The following UNC5D variants were observed in gnomAD, a reference collection of about 807,000 sequenced individuals.
The protein encoded by UNC5D is unc-5 netrin receptor D, also known as netrin receptor UNC5D.
UNC5D carries 39 observed loss-of-function variants against 105.4 expected under a neutral mutation model. The observed-to-expected ratio is 0.37, with a 90% CI of 0.29 to 0.48. The LOEUF (loss-of-function observed/expected upper bound fraction) is 0.48, where lower values mean the gene tolerates loss of function less well. Ranked by LOEUF, UNC5D falls within the 20% of genes least tolerant of loss-of-function variation. UNC5D has a pLI of 0.98. For missense variants in UNC5D, 991 were observed against 1,202.4 expected (o/e 0.82, Z 2.60); for synonymous variants, 452 against 450.4 (o/e 1.00, Z -0.04).
intron 1 of UNC5D, among the ~76,000 whole-genome samples, chr8:35,474,199 T>C (rs528680088): frequency 5.9e-5 from 9 of 152,356 alleles, no homozygotes; most frequent in African/African-American, 2.2e-4. Context: ...TTAGAGATAT[T>C]ACCAATTGTA....
intron 1 of UNC5D, among the ~76,000 whole-genome samples, chr8:35,245,408 C>T (rs1167639863): frequency 6.6e-6 from 1 of 151,978 alleles, no homozygotes; most frequent in Admixed American, 6.6e-5. Context: ...AATAGACAGC[C>T]CTTGTTTCTC....
chr8:35,549,219 A>G (rs1017162957), intron 1 of UNC5D, 73 bp from the exon 2 acceptor site: 1 of 1,379,354 alleles, frequency 7.2e-7, no homozygotes, highest in Non-Finnish European at 1.0e-6. Context: ...GAGCTGGTGC[A>G]GGTTTGCCAT....
rs894891966 is a variant in UNC5D at position 35,724,212 on chromosome 8, C to G, written c.1303+1817C>G. Reference sequence around the variant, plus strand: ...ATCTCTAAGACAATATTAGTCTTACCAAACTTACCTGACCATTTTGTTTTA... The same window carrying G: ...ATCTCTAAGACAATATTAGTCTTACGAAACTTACCTGACCATTTTGTTTTA... On this transcript the variant is annotated intron_variant, in intron 9 of 16. Transcript: ENST00000404895. The G allele has an allele frequency of 5.3e-6, 8 of 1,514,644 alleles. No homozygotes were observed. The Admixed American group carries it at 6.2e-5, about 12-fold the overall frequency. The allele number at this position is 1,514,644 out of a possible 1,614,324, so 93.8% of individuals were successfully genotyped here. A position where few individuals can be genotyped will look rare whatever the true frequency, so the allele number is the denominator to read the frequency against.
rs183780149 is a variant in UNC5D, at chr8:35,717,234, G to A, written c.1118-4976G>A. Reference sequence around the variant, plus strand: ...GGAAAGGTACTCGCTACGCTCCTATGTTAATTCTCAGTCACTTATCCAAAT... The same window carrying A: ...GGAAAGGTACTCGCTACGCTCCTATATTAATTCTCAGTCACTTATCCAAAT... On this transcript the variant is annotated intron_variant, in intron 8 of 16. Transcript: ENST00000404895. Among the ~76,000 whole-genome samples the A allele has an allele frequency of 1.1e-4, 17 of 152,334 alleles. No homozygotes were observed. The East Asian group carries it at 2.9e-3, about 26-fold the overall frequency.
intron 4 of UNC5D, among the ~76,000 whole-genome samples, chr8:35,650,556 C>T (rs898252107): frequency 6.6e-6 from 1 of 152,148 alleles, no homozygotes. Flanking sequence ...CAACATTTGC[C>T]TCCTGAGTTC....
At chr8:35,329,400 GATATAT>G (rs36221011) in intron 1 of UNC5D, among the ~76,000 whole-genome samples, 8,573 of 147,054 alleles carry the variant, frequency 0.058, 280 homozygotes, top group African/African-American at 0.091. Flanking sequence ...TTATTGGGTT[GATATAT>G]ATATATATAT....
At chr8:35,503,578 A>T (rs905364323) in intron 1 of UNC5D, among the ~76,000 whole-genome samples, 1 of 152,222 alleles carries the variant, frequency 6.6e-6, no homozygotes, top group South Asian at 2.1e-4. Context: ...GGGAAAGGAT[A>T]TGACCCTGTG....
chr8:35,471,521 A>T (rs757469137), intron 1 of UNC5D, among the ~76,000 whole-genome samples: 8 of 152,192 alleles, frequency 5.3e-5, no homozygotes, highest in African/African-American at 9.7e-5. Context: ...TTCTGTATTA[A>T]CTCAAGTTCC....
chr8:35,644,188 T>C (rs1358542324), intron 4 of UNC5D, among the ~76,000 whole-genome samples: 3 of 152,138 alleles, frequency 2.0e-5, no homozygotes, highest in Non-Finnish European at 4.4e-5. Flanking sequence ...TTAAGGCTTA[T>C]ATAGAGTTAG....
chr8:35,457,962 G>A (rs1443433446), intron 1 of UNC5D, among the ~76,000 whole-genome samples: 4 of 152,026 alleles, frequency 2.6e-5, no homozygotes, highest in South Asian at 4.1e-4. Flanking sequence ...CAATTTTTTC[G>A]AAGACCTCTT....
At chr8:35,579,161 A>G (rs1459454322) in intron 3 of UNC5D, among the ~76,000 whole-genome samples, 1 of 149,720 alleles carries the variant, frequency 6.7e-6, no homozygotes, top group African/African-American at 2.5e-5. Context: ...TAAGCAAAAC[A>G]AACAAAATAA....
At chr8:35,283,482 C>A (rs1445554781) in intron 1 of UNC5D, among the ~76,000 whole-genome samples, 1 of 152,068 alleles carries the variant, frequency 6.6e-6, no homozygotes. Flanking sequence ...TCATACCTGG[C>A]CAGGCATGGT....
At chr8:35,367,958 T>C (rs1802217632) in intron 1 of UNC5D, among the ~76,000 whole-genome samples, 1 of 152,210 alleles carries the variant, frequency 6.6e-6, no homozygotes, top group Non-Finnish European at 1.5e-5. Flanking sequence ...TCTCTATTTT[T>C]AATTTATTAG....
intron 1 of UNC5D, among the ~76,000 whole-genome samples, chr8:35,504,938 C>A (rs1433990382): frequency 1.3e-5 from 2 of 152,092 alleles, no homozygotes; most frequent in Non-Finnish European, 2.9e-5. Flanking sequence ...TCATGTGTAG[C>A]CCCCCAAAAC....
At chr8:35,388,627 G>C (rs532973684) in intron 1 of UNC5D, among the ~76,000 whole-genome samples, 1 of 152,266 alleles carries the variant, frequency 6.6e-6, no homozygotes, top group East Asian at 1.9e-4. Context: ...TTTTTGGAGG[G>C]CATATATTCA....
chr8:35,486,709 A>G (rs1275203868), intron 1 of UNC5D, among the ~76,000 whole-genome samples: 1 of 152,224 alleles, frequency 6.6e-6, no homozygotes, highest in Non-Finnish European at 1.5e-5. Flanking sequence ...CAAAGTGAGT[A>G]CATGCTTCCC....
intron 4 of UNC5D, among the ~76,000 whole-genome samples, chr8:35,682,708 G>A (rs1213920482): frequency 6.6e-6 from 1 of 152,188 alleles, no homozygotes; most frequent in Non-Finnish European, 1.5e-5. Context: ...AGGGAGCAGA[G>A]GGCTTCCATC....
At chr8:35,721,312 C>T in intron 8 of UNC5D, 1 of 647,854 alleles carries the variant, frequency 1.5e-6, no homozygotes. Flanking sequence ...CATCATGGAT[C>T]TGCTACAGGA....
intron 14 of UNC5D, among the ~76,000 whole-genome samples, chr8:35,764,732 C>T (rs934712866): frequency 2.0e-5 from 3 of 152,182 alleles, no homozygotes; most frequent in African/African-American, 7.2e-5. Context: ...GCTGATGGTA[C>T]AAGCAAGTTG....
Sources: gnomAD v4.1 joint callset for allele counts (sites outside exome capture counted in the v4.1 genomes callset) on GRCh38, gnomAD v4.1.1 for gene constraint, MANE v1.5 for transcripts, NCBI Gene and HGNC (gene_info 2026-07-23, HGNC 2026-07-21) for gene names.